The following ADGRE3 variants were observed in gnomAD, a reference collection of about 807,000 sequenced individuals.
ADGRE3 encodes EGF-like module receptor 3.
In ADGRE3, 88 loss-of-function variants were observed where a neutral mutation model predicts 80.1. The ratio of observed to expected loss-of-function variants is 1.10; its 90% CI spans 0.93 to 1.31. The LOEUF is 1.31. Ranked by LOEUF, ADGRE3 falls within the 40% of genes most tolerant of loss-of-function variation. ADGRE3 has a pLI of 0.00. For synonymous variants in ADGRE3, 281 were observed against 294.8 expected (o/e 0.95, Z 0.48); for missense variants, 715 against 776.5 (o/e 0.92, Z 0.94).
chr19:14,624,176 C>A (rs1205051198), intron 15 of ADGRE3, among the ~76,000 whole-genome samples: 2 of 151,642 alleles, frequency 1.3e-5, no homozygotes, highest in African/African-American at 2.4e-5. Context: ...CTCACTGCAA[C>A]CTCTGCTGCC....
At chr19:14,670,019 G>T (rs1242283011) in intron 1 of ADGRE3, among the ~76,000 whole-genome samples, 3 of 152,122 alleles carry the variant, frequency 2.0e-5, no homozygotes, top group Admixed American at 6.5e-5. Context: ...CCACCATTAT[G>T]CATGTAATAT....
chr19:14,651,047 T>A (rs1193885884), intron 7 of ADGRE3, 38 bp downstream of exon 7: 1 of 1,611,966 alleles, frequency 6.2e-7, no homozygotes, highest in Admixed American at 1.7e-5. Context: ...ATGACATGGC[T>A]CTGTGTGAAG....
chr19:14,647,023 G>A (rs1024359498), intron 8 of ADGRE3, among the ~76,000 whole-genome samples, 158 bp downstream of exon 8: 1 of 152,052 alleles, frequency 6.6e-6, no homozygotes, highest in Non-Finnish European at 1.5e-5. Flanking sequence ...TCAAAATCTC[G>A]ATTCAGACCA....
chr19:14,620,472 T>TGTATATTC (rs1164784966), intron 15 of ADGRE3, among the ~76,000 whole-genome samples: 15 of 123,234 alleles, frequency 1.2e-4, no homozygotes, highest in South Asian at 4.8e-4. Context: ...ATGAATATAT[T>TGTATATTC]ATGAGTACAT....
At chr19:14,604,469 G>T in the ADGRE3 span, among the ~76,000 whole-genome samples, 1 of 151,946 alleles carries the variant, frequency 6.6e-6, no homozygotes, top group South Asian at 2.1e-4. Flanking sequence ...ATCACCTTAA[G>T]AATGTTTAAA....
chr19:14,660,259 G>T (rs1470057935), intron 4 of ADGRE3, among the ~76,000 whole-genome samples: 1 of 152,162 alleles, frequency 6.6e-6, no homozygotes, highest in African/African-American at 2.4e-5. Context: ...AAGTTTAAGA[G>T]ATTAACATCA....
At chr19:14,646,119 T>A (rs965617639) in intron 8 of ADGRE3, among the ~76,000 whole-genome samples, 1 of 152,154 alleles carries the variant, frequency 6.6e-6, no homozygotes, top group Admixed American at 6.5e-5. Flanking sequence ...TACATTCCTT[T>A]CTTCTTCTCT....
At chr19:14,600,955 T>A in the ADGRE3 span, among the ~76,000 whole-genome samples, 2 of 126,992 alleles carry the variant, frequency 1.6e-5, no homozygotes, top group Non-Finnish European at 1.6e-5. Flanking sequence ...CAGGCTGGAG[T>A]GCAGTGGTGC....
chr19:14,606,380 A>AC, the ADGRE3 span, among the ~76,000 whole-genome samples: 4 of 151,578 alleles, frequency 2.6e-5, no homozygotes, highest in Non-Finnish European at 5.9e-5. Flanking sequence ...GTCTCAAAAA[A>AC]AAAAAAAAAA....
Position 14,647,199 on chromosome 19 carries a change from C to T in ADGRE3, c.864G>A (p.Leu288=). 6.2e-7 allele frequency: 1 copy of T among 1,613,770 alleles called. No individual in the cohort carries two copies. The highest frequency in any genetic ancestry group is 1.1e-5 in the South Asian group (1 of 91,072). Reference sequence around the variant, plus strand: ...GACCCACCTTCACGTGCTGGAAAGTCAGCGTCACAGACTTGGAGAGAGACA... The same window carrying T: ...GACCCACCTTCACGTGCTGGAAAGTTAGCGTCACAGACTTGGAGAGAGACA... ...RNVSLSKSVT[L]TFQHVKMTPS... is the part of the protein sequence containing the mutation. The change falls in exon 8 of 16, where the codon CTG becomes CTA. Residue 288 remains leucine (L), a synonymous_variant. Coordinates refer to ENST00000253673, the MANE Select transcript of ADGRE3 (RefSeq NM_032571.5).
chr19:14,638,272 C>T lies in ADGRE3; in HGVS notation c.1317G>A (p.Leu439=), dbSNP rs1971155517. 1 of 1,614,160 alleles carries T rather than the reference C, an allele frequency of 6.2e-7. No individual in the cohort carries two copies. The highest frequency in any genetic ancestry group is 1.1e-5 in the South Asian group (1 of 91,082). The stretch of plus-strand genomic sequence containing the variant: ...CAGTGAGGAAGAGGTGCACACCCTC[C>T]AGCAGCATCCAGGTGAAGGCGGCCA... ...LYLAAFTWML[L]EGVHLFLTAR... The change falls in exon 11 of 16, where the codon CTG becomes CTA. Residue 439 remains leucine (L), a synonymous_variant. Transcript: ENST00000253673.
chr19:14,617,375 TTC>T (rs1485788258), downstream of ADGRE3, among the ~76,000 whole-genome samples: 1 of 121,120 alleles, frequency 8.3e-6, no homozygotes, highest in African/African-American at 3.3e-5. Context: ...TCTTTCTTTC[TTC>T]CTTTCTTTCT....
Position 14,663,858 on chromosome 19 carries a change from G to T in ADGRE3, c.77-318C>A, listed in dbSNP as rs1271298698. Among the ~76,000 whole-genome samples the T allele has an allele frequency of 3.9e-5, 6 of 151,932 alleles. No individual in the cohort carries two copies. In the South Asian group the frequency reaches 1.2e-3, roughly 32 times the overall value. On this transcript the variant is annotated intron_variant, in intron 2 of 15. Transcript: ENST00000253673. ...CATTTCAAAACAAATATATATATTTGTTACATAGGTATACACGTGCCACGT... is the reference window on the plus strand; with the variant it reads ...CATTTCAAAACAAATATATATATTTTTTACATAGGTATACACGTGCCACGT...
chr19:14,642,812 T>A (rs1044618735), intron 9 of ADGRE3, among the ~76,000 whole-genome samples: 5 of 152,252 alleles, frequency 3.3e-5, no homozygotes, highest in African/African-American at 1.2e-4. Flanking sequence ...TACCACATTT[T>A]CTTTATCCAG....
the ADGRE3 span, among the ~76,000 whole-genome samples, chr19:14,609,502 A>G: frequency 6.6e-6 from 1 of 152,322 alleles, no homozygotes; most frequent in Non-Finnish European, 1.5e-5. Flanking sequence ...TTGTAAAAGA[A>G]AGAGTCCTTG....
chr19:14,608,634 T>A, the ADGRE3 span, among the ~76,000 whole-genome samples: 1 of 131,394 alleles, frequency 7.6e-6, no homozygotes, highest in Admixed American at 7.1e-5. Context: ...AAGAATTTTT[T>A]TTTTTTTTTT....
At chr19:14,617,421 G>A (rs1017714603), downstream of ADGRE3, among the ~76,000 whole-genome samples, 2 of 87,944 alleles carry the variant, frequency 2.3e-5, no homozygotes, top group Non-Finnish European at 4.8e-5. Context: ...CTTTCTTGAT[G>A]GAGTCTTACT....
chr19:14,641,611 C>T lies in ADGRE3; in HGVS notation c.1056G>A (p.Glu352=), dbSNP rs777989326. 1 of 1,614,090 alleles carries T rather than the reference C, an allele frequency of 6.2e-7. No individual in the cohort carries two copies. Among genetic ancestry groups the T allele is most frequent in the East Asian group, 2.2e-5 (1 of 44,864 alleles). Reference sequence around the variant, plus strand: ...AGGTGATGACAGTCAGCACGGGATCCTCCTCCTGGGACCGAGAAAAAAAGT... The same window carrying T: ...AGGTGATGACAGTCAGCACGGGATCTTCCTCCTGGGACCGAGAAAAAAAGT... ...AVLMALTSQE[E]DPVLTVITYV... is the part of the protein sequence containing the mutation. Residue 352 remains glutamate, a synonymous_variant, in exon 10 of 16, where the codon GAG becomes GAA. Transcript: ENST00000253673.
intron 4 of ADGRE3, among the ~76,000 whole-genome samples, chr19:14,660,937 CTTTTTTT>C (rs35730102): frequency 4.8e-5 from 4 of 83,482 alleles, no homozygotes; most frequent in Non-Finnish European, 6.6e-5. Context: ...GTCATATTTC[CTTTTTTT>C]TTTTTTTTTT....
Sources: allele counts gnomAD v4.1 joint callset (sites outside exome capture counted in the v4.1 genomes callset), GRCh38; gene constraint gnomAD v4.1.1; transcripts MANE v1.5; gene names NCBI Gene and HGNC (gene_info 2026-07-23, HGNC 2026-07-21).